GALNT13: variants seen among roughly 807,000 people sequenced by gnomAD.
GALNT13 encodes polypeptide N-acetylgalactosaminyltransferase 13.
A neutral mutation model predicts 64.2 loss-of-function variants in GALNT13; 28 were observed. That is an observed-to-expected ratio of 0.44 (90% CI 0.32 to 0.60). The LOEUF (loss-of-function observed/expected upper bound fraction) is 0.60. GALNT13 is among the 20% of genes least tolerant of loss of function. The probability of loss-of-function intolerance (pLI) is 0.05; values close to 1 mark genes in which losing one functional copy is unlikely to be tolerated. For missense variants in GALNT13, 577 were observed against 669.8 expected (o/e 0.86, Z 1.53); for synonymous variants, 214 against 224.6 (o/e 0.95, Z 0.42).
intron 4 of GALNT13, among the ~76,000 whole-genome samples, chr2:154,142,569 A>G (rs906980097): frequency 1.9e-4 from 29 of 150,904 alleles, no homozygotes; most frequent in Admixed American, 6.6e-5. Context: ...AAAAAAAAAA[A>G]AAAAGAAAGG....
the GALNT13 span, among the ~76,000 whole-genome samples, chr2:153,533,305 G>T: frequency 6.6e-6 from 1 of 152,066 alleles, no homozygotes; most frequent in African/African-American, 2.4e-5. Flanking sequence ...AGCCTGGAGT[G>T]CAGTGGCTTG....
intron 4 of GALNT13, among the ~76,000 whole-genome samples, chr2:154,232,246 C>G (rs1339735165): frequency 1.3e-5 from 2 of 152,118 alleles, no homozygotes; most frequent in Non-Finnish European, 2.9e-5. Flanking sequence ...GAAAATACAA[C>G]TAGTAAATAT....
chr2:153,269,834 G>C, the GALNT13 span, among the ~76,000 whole-genome samples: 2 of 152,274 alleles, frequency 1.3e-5, no homozygotes, highest in African/African-American at 4.8e-5. Context: ...GAAAGAGAGA[G>C]AGGGAAGGGG....
At chr2:153,084,736 A>G in the GALNT13 span, among the ~76,000 whole-genome samples, 1 of 152,204 alleles carries the variant, frequency 6.6e-6, no homozygotes, top group Non-Finnish European at 1.5e-5. Flanking sequence ...CTCCCCAGCC[A>G]TGCTGAGCTG....
chr2:154,310,258 C>G (rs1693961371), intron 9 of GALNT13, among the ~76,000 whole-genome samples: 1 of 152,032 alleles, frequency 6.6e-6, no homozygotes, highest in African/African-American at 2.4e-5. Flanking sequence ...AGGACTATAT[C>G]TGTTTTATTG....
chr2:154,041,588 C>G lies in GALNT13; in HGVS notation c.142+96949C>G, dbSNP rs371776121. Among the ~76,000 whole-genome samples the G allele has an allele frequency of 8.6e-5, 12 of 140,300 alleles. 1 individual carries two copies. In the East Asian group the frequency reaches 2.0e-3, roughly 23 times the overall value. 92.0% of individuals were successfully genotyped at this position (140,300 alleles called of 152,430 possible). A position where few individuals can be genotyped will look rare whatever the true frequency, so the allele number is the denominator to read the frequency against. Reference sequence around the variant, plus strand: ...ATAAATTATCTAGCTGGCTTTGAAACCTATTGACATGTGAGAAGTTCAGAG... The same window carrying G: ...ATAAATTATCTAGCTGGCTTTGAAAGCTATTGACATGTGAGAAGTTCAGAG... On this transcript the variant is annotated intron_variant, in intron 3 of 12. Coordinates refer to ENST00000392825, the MANE Select transcript of GALNT13 (RefSeq NM_052917.4).
chr2:153,726,951 A>C, the GALNT13 span, among the ~76,000 whole-genome samples: 63 of 150,040 alleles, frequency 4.2e-4, no homozygotes, highest in Admixed American at 9.3e-4. Context: ...AAAAAAAAAA[A>C]AAAAACAAAA....
At chr2:154,334,767 A>G (rs1695350004) in intron 9 of GALNT13, among the ~76,000 whole-genome samples, 2 of 151,964 alleles carry the variant, frequency 1.3e-5, no homozygotes, top group African/African-American at 4.8e-5. Context: ...GCATCCTCCA[A>G]TCTTCTCTCC....
intron 10 of GALNT13, among the ~76,000 whole-genome samples, chr2:154,406,031 A>G (rs547850785): frequency 1.1e-4 from 17 of 152,178 alleles, no homozygotes; most frequent in Non-Finnish European, 1.5e-4. Context: ...TAGATCTATC[A>G]AAGTGATTTT....
intron 3 of GALNT13, among the ~76,000 whole-genome samples, chr2:154,108,842 A>G (rs1481844210): frequency 6.6e-6 from 1 of 152,122 alleles, no homozygotes; most frequent in Non-Finnish European, 1.5e-5. Flanking sequence ...TTTATTGAAG[A>G]AACAGTTTCT....
chr2:153,673,490 C>A, the GALNT13 span, among the ~76,000 whole-genome samples: 1 of 152,138 alleles, frequency 6.6e-6, no homozygotes, highest in Non-Finnish European at 1.5e-5. Context: ...CAGAAAAAGC[C>A]TTTGTCAAAA....
the GALNT13 span, among the ~76,000 whole-genome samples, chr2:153,213,137 A>G: frequency 3.9e-5 from 6 of 152,236 alleles, no homozygotes; most frequent in Admixed American, 6.5e-5. Context: ...TTAGTCTGCC[A>G]CATAAGAACC....
the GALNT13 span, among the ~76,000 whole-genome samples, chr2:153,796,966 A>G: frequency 6.6e-6 from 1 of 152,216 alleles, no homozygotes; most frequent in South Asian, 2.1e-4. Flanking sequence ...TAAGTTACAG[A>G]GTTTATTTCT....
intron 2 of GALNT13, among the ~76,000 whole-genome samples, chr2:153,925,706 A>G (rs1690083826): frequency 6.6e-6 from 1 of 151,942 alleles, no homozygotes; most frequent in Non-Finnish European, 1.5e-5. Context: ...ATGTTTTTCC[A>G]TTTGTTTTGT....
the GALNT13 span, among the ~76,000 whole-genome samples, chr2:153,677,411 C>G: frequency 6.7e-6 from 1 of 149,704 alleles, no homozygotes; most frequent in African/African-American, 2.5e-5. Context: ...CAGAAATGAC[C>G]CAAACAAATG....
the GALNT13 span, among the ~76,000 whole-genome samples, chr2:153,608,649 T>C: frequency 1.4e-5 from 2 of 147,752 alleles, no homozygotes; most frequent in African/African-American, 4.9e-5. Flanking sequence ...TACATATATA[T>C]AGACAAACAT....
At chr2:153,998,010 A>G (rs962681512) in intron 3 of GALNT13, among the ~76,000 whole-genome samples, 1 of 152,152 alleles carries the variant, frequency 6.6e-6, no homozygotes, top group Non-Finnish European at 1.5e-5. Flanking sequence ...TCCATGGTGT[A>G]TATGTGCCAC....
intron 3 of GALNT13, among the ~76,000 whole-genome samples, chr2:153,963,729 CTCTGTGTGTGTG>C (rs61395322): frequency 0.024 from 2,773 of 117,018 alleles, 62 homozygotes; most frequent in African/African-American, 0.068. Context: ...CTCTCTCTCT[CTCTGTGTGTGTG>C]TGTGTGTGTG....
the GALNT13 span, among the ~76,000 whole-genome samples, chr2:153,413,059 T>G: frequency 6.6e-6 from 1 of 151,986 alleles, no homozygotes; most frequent in Admixed American, 6.6e-5. Flanking sequence ...CAGTTAAGGA[T>G]GAGGTGAGGG....
Sources: gnomAD v4.1 joint callset for allele counts (sites outside exome capture counted in the v4.1 genomes callset) on GRCh38, gnomAD v4.1.1 for gene constraint, MANE v1.5 for transcripts, NCBI Gene and HGNC (gene_info 2026-07-23, HGNC 2026-07-21) for gene names.